Variants in CHRNB1 observed in about 807,000 individuals in gnomAD.
CHRNB1 encodes acetylcholine receptor subunit beta.
Under a neutral mutation model 53.8 loss-of-function variants are expected in CHRNB1, and 47 were observed. That is an observed-to-expected ratio of 0.87 (90% confidence interval 0.69 to 1.11). The LOEUF (loss-of-function observed/expected upper bound fraction) is 1.11. Ranked by LOEUF, CHRNB1 falls within the 50% of genes most tolerant of loss-of-function variation. The pLI, the probability that CHRNB1 is intolerant of heterozygous loss-of-function variation, is 0.00. For synonymous variants in CHRNB1, 259 were observed against 263.5 expected (o/e 0.98, Z 0.16); for missense variants, 605 against 654.9 (o/e 0.92, Z 0.83).
chr17:7,446,996 G>A (rs373219508), intron 4 of CHRNB1, 47 bp from the exon 5 acceptor site: 249 of 1,604,852 alleles, frequency 1.6e-4, no homozygotes, highest in Non-Finnish European at 2.0e-4. Context: ...GGGGCGGGGG[G>A]CCTCCGGGCG....
At chr17:7,447,772 T>C in intron 6 of CHRNB1, 122 bp downstream of exon 6, 3 of 1,212,462 alleles carry the variant, frequency 2.5e-6, no homozygotes, top group Middle Eastern at 1.9e-4. Context: ...GGTATGGCTA[T>C]CTACATTTTA....
chr17:7,455,629 T>A, intron 9 of CHRNB1, 165 bp from the exon 10 acceptor site: 1 of 1,209,122 alleles, frequency 8.3e-7, no homozygotes, highest in Non-Finnish European at 1.2e-6. Context: ...ACAGAGGCGG[T>A]GGAAGAAGTT....
Position 7,446,878 on chromosome 17 carries a change from G to C in CHRNB1, c.289G>C (p.Gly97Arg). Residue 97 changes from glycine (G) to arginine (R), a missense_variant, in exon 4 of 11, where the codon GGC (glycine) becomes CGC (arginine). Gly to Arg is a moderately radical substitution (Grantham distance 125). Transcript: ENST00000306071. Reference protein sequence around the residue: ...RLSWDPAEHDGIDSLRITAES... With the variant: ...RLSWDPAEHDRIDSLRITAES... ...GAGCTGGGACCCTGCGGAGCACGAC[G>C]GCATCGATTCGCTCCGCATCACGGC... is the stretch of plus-strand genomic sequence containing the variant. 2 of 1,614,036 alleles carry C rather than the reference G, an allele frequency of 1.2e-6. No homozygotes were observed. The highest frequency in any genetic ancestry group is 1.7e-6 in the Non-Finnish European group (2 of 1,180,026).
At chr17:7,453,582 CTTTTTT>C (rs71157287) in intron 7 of CHRNB1, among the ~76,000 whole-genome samples, 8 of 96,012 alleles carry the variant, frequency 8.3e-5, no homozygotes, top group South Asian at 7.7e-4. Flanking sequence ...AAAAGCCTGT[CTTTTTT>C]TTTTTTTTTT....
chr17:7,449,642 T>C (rs1908806649), intron 7 of CHRNB1, among the ~76,000 whole-genome samples: 1 of 151,892 alleles, frequency 6.6e-6, no homozygotes, highest in Non-Finnish European at 1.5e-5. Flanking sequence ...ACTCCTGAAC[T>C]CAAGCGATCT....
rs1350340245 is a variant in CHRNB1 at position 7,457,577 on chromosome 17, A to G, written c.*854A>G. The G allele has an allele frequency of 6.6e-6, 1 of 152,208 alleles. No homozygotes were observed. Among genetic ancestry groups the G allele is most frequent in the African/African-American group, 2.4e-5 (1 of 41,446 alleles). 9.4% of individuals were successfully genotyped at this position (152,208 alleles called of 1,614,324 possible). ...CATAGTGAGACCCTGTCTCTAAAAA[A>G]ATAAAAATAGAAATAAAGTAGTGCT... is the stretch of plus-strand genomic sequence containing the variant. On this transcript the variant is annotated 3_prime_UTR_variant, in exon 11 of 11. Coordinates refer to ENST00000306071, the MANE Select transcript of CHRNB1 (RefSeq NM_000747.3).
intron 7 of CHRNB1, 26 bp downstream of exon 7, chr17:7,448,814 CTTT>C: frequency 1.9e-6 from 3 of 1,606,152 alleles, no homozygotes; most frequent in Non-Finnish European, 2.6e-6. Flanking sequence ...GCTCCTTACT[CTTT>C]TGTCATTGGC....
Position 7,454,430 on chromosome 17 carries a change from C to G in CHRNB1, c.954C>G (p.Leu318=). Residue 318 remains leucine, a synonymous_variant, in exon 8 of 11, where the codon CTC becomes CTG. Coordinates refer to ENST00000306071, the MANE Select transcript of CHRNB1 (RefSeq NM_000747.3). ...IIKYLMFTMV[L]VTFSVILSVV... ...AGTACCTCATGTTTACCATGGTCCT[C>G]GTCACCTTCTCAGTCATCCTTAGTG... 6.2e-7 allele frequency: 1 copy of G among 1,614,126 alleles called. No individual in the cohort carries two copies. Among genetic ancestry groups the G allele is most frequent in the South Asian group, 1.1e-5 (1 of 91,078 alleles).
Position 7,455,542 on chromosome 17 carries a change from T to C in CHRNB1, c.1217+86T>C, listed in dbSNP as rs2302762. The C allele has an allele frequency of 0.68, 1,040,167 of 1,527,408 alleles. 364,322 individuals carry two copies. The highest frequency in any genetic ancestry group is 0.73 in the Non-Finnish European group (805,857 of 1,104,024). 94.6% of individuals were successfully genotyped at this position (1,527,408 alleles called of 1,614,324 possible). A position where few individuals can be genotyped will look rare whatever the true frequency, so the allele number is the denominator to read the frequency against. On this transcript the variant is annotated intron_variant, in intron 9 of 10. Transcript: ENST00000306071. Reference sequence around the variant, plus strand: ...TGTGCGGAAGAAGCGGCCCATGCTCTCGGAAGACGCTGTGGTTGAGCATCA... The same window carrying C: ...TGTGCGGAAGAAGCGGCCCATGCTCCCGGAAGACGCTGTGGTTGAGCATCA...
intron 10 of CHRNB1, 79 bp from the exon 11 acceptor site, chr17:7,456,504 G>C: frequency 3.1e-6 from 5 of 1,590,900 alleles, no homozygotes; most frequent in East Asian, 2.2e-5. Flanking sequence ...GACTCAAGCG[G>C]GTAGCGGGCG....
At position 7,447,557 on chromosome 17, in the gene CHRNB1, A is replaced by G; in HGVS notation, c.517A>G (p.Ser173Gly). The change falls in exon 6 of 11, where the codon AGC becomes GGC. Residue 173 changes from serine (S) to glycine (G), a missense_variant. Ser to Gly is a moderately conservative substitution (Grantham distance 56). Transcript: ENST00000306071. Reference sequence around the variant, plus strand: ...TTGCACTATGGTGTTCAGCTCCTACAGCTACGACAGCTCGGAGGTCAGCCT... The same window carrying G: ...TTGCACTATGGTGTTCAGCTCCTACGGCTACGACAGCTCGGAGGTCAGCCT... ...QNCTMVFSSY[S>G]YDSSEVSLQT... is the part of the protein sequence containing the mutation. The G allele has an allele frequency of 1.9e-6, 3 of 1,614,144 alleles. No homozygotes were observed. The highest frequency in any genetic ancestry group is 2.5e-6 in the Non-Finnish European group (3 of 1,180,024).
chr17:7,448,961 T>C (rs1177186693), intron 7 of CHRNB1, among the ~76,000 whole-genome samples, 173 bp downstream of exon 7: 1 of 152,120 alleles, frequency 6.6e-6, no homozygotes, highest in Non-Finnish European at 1.5e-5. Context: ...TCAGTGAAAC[T>C]GGAACTCTTT....
chr17:7,446,989 G>T (rs764988154), intron 4 of CHRNB1, 47 bp downstream of exon 4: 1 of 1,604,570 alleles, frequency 6.2e-7, no homozygotes, highest in African/African-American at 1.3e-5. Flanking sequence ...GCCTCGGGGG[G>T]CGGGGGGCCT....
intron 7 of CHRNB1, among the ~76,000 whole-genome samples, chr17:7,450,080 T>TA (rs1199660655): frequency 2.0e-5 from 3 of 148,342 alleles, no homozygotes; most frequent in African/African-American, 7.5e-5. Flanking sequence ...AATAAATAAA[T>TA]AATAGTAATA....
intron 6 of CHRNB1, among the ~76,000 whole-genome samples, chr17:7,447,875 C>T (rs994015095): frequency 2.0e-5 from 3 of 151,950 alleles, no homozygotes; most frequent in East Asian, 3.9e-4. Context: ...GTCTGGAGTT[C>T]GTGACCAGCC....
intron 10 of CHRNB1, among the ~76,000 whole-genome samples, chr17:7,456,155 G>C (rs1373533280): frequency 1.4e-5 from 2 of 145,106 alleles, no homozygotes; most frequent in Non-Finnish European, 3.0e-5. Flanking sequence ...ACGGGTTCAA[G>C]CGATTGTCCT....
rs991306890 is a variant in CHRNB1 at position 7,448,909 on chromosome 17, C to T, written c.820+121C>T. The T allele has an allele frequency of 2.2e-5, 23 of 1,048,674 alleles. 1 individual carries two copies. In the Middle Eastern group the frequency reaches 1.1e-3, roughly 50 times the overall value. 65.0% of individuals were successfully genotyped at this position (1,048,674 alleles called of 1,614,324 possible). A position where few individuals can be genotyped will look rare whatever the true frequency, so the allele number is the denominator to read the frequency against. On this transcript the variant is annotated intron_variant, in intron 7 of 10. Transcript: ENST00000306071. ...ATCATAGATTGGGCTTCAGCAATCC[C>T]GCCCAGGCTCTGCCTCCCGTTGACT...
In CHRNB1 at chr17:7,445,550, G is replaced by C; in HGVS notation, c.198+141G>C. 6.6e-7 allele frequency: 1 copy of C among 1,510,674 alleles called. No individual in the cohort carries two copies. The highest frequency in any genetic ancestry group is 8.8e-7 in the Non-Finnish European group (1 of 1,133,384). 93.6% of individuals were successfully genotyped at this position (1,510,674 alleles called of 1,614,324 possible). On this transcript the variant is annotated intron_variant, in intron 2 of 10. Transcript: ENST00000306071. The surrounding 1 kb of genome is among the most constrained non-coding windows in gnomAD (Gnocchi z 5.7). ...ATGGACCAGCCTTTGGTGAAGATTG[G>C]ATCGAAATCAGACCAATGGACAAGC...
intron 7 of CHRNB1, 74 bp from the exon 8 acceptor site, chr17:7,454,223 A>ATGGTCAC (rs1394266084): frequency 1.6e-6 from 2 of 1,240,642 alleles, no homozygotes; most frequent in African/African-American, 3.0e-5. Context: ...GCCTGGAAAC[A>ATGGTCAC]TGGTCACTGA....
Sources: allele counts gnomAD v4.1 joint callset (sites outside exome capture counted in the v4.1 genomes callset), GRCh38; gene constraint gnomAD v4.1.1; non-coding constraint Gnocchi (gnomAD v3.1); transcripts MANE v1.5; gene names NCBI Gene and HGNC (gene_info 2026-07-23, HGNC 2026-07-21).